SBF2: variants seen among roughly 807,000 people sequenced by gnomAD.
SBF2 encodes the protein myotubularin-related protein 13.
In SBF2, 112 loss-of-function variants were observed where a neutral mutation model predicts 225.2. The observed-to-expected ratio is 0.50, with a 90% CI of 0.43 to 0.58. The LOEUF (loss-of-function observed/expected upper bound fraction) is 0.58, where lower values mean the gene tolerates loss of function less well. Among genes scored for constraint, SBF2 ranks in the 20% least tolerant of loss-of-function variants. SBF2 has a pLI of 0.00. For missense variants in SBF2, 1,996 were observed against 2,206.2 expected, an observed-to-expected ratio of 0.90 and a Z score of 1.91; for synonymous variants, 763 against 773.3, an observed-to-expected ratio of 0.99 and a Z score of 0.22.
chr11:9,919,036 C>G (rs1406246054), intron 16 of SBF2, among the ~76,000 whole-genome samples: 1 of 152,110 alleles, frequency 6.6e-6, no homozygotes, highest in African/African-American at 2.4e-5. Flanking sequence ...GCCACTGCAT[C>G]TGGCTTTTTT....
chr11:10,006,902 C>T (rs1178503878), intron 6 of SBF2, among the ~76,000 whole-genome samples: 2 of 152,182 alleles, frequency 1.3e-5, no homozygotes, highest in African/African-American at 4.8e-5. Context: ...AAGGGATAAT[C>T]ATTTTGTTGC....
In SBF2 at chr11:10,089,596, A is replaced by G. The variant is rs1361613865; in HGVS notation, c.142-46615T>C. Among the ~76,000 whole-genome samples the G allele has an allele frequency of 2.0e-5, 3 of 152,200 alleles. No individual in the cohort carries two copies. In the South Asian group the frequency reaches 6.2e-4, roughly 32 times the overall value. On this transcript the variant is annotated intron_variant, in intron 2 of 39. Coordinates refer to ENST00000256190, the MANE Select transcript of SBF2 (RefSeq NM_030962.4). ...GTACTTTATTTAGTACCTCTTGTAA[A>G]CAAATATTGTATGTATACAGGGTAG...
intron 6 of SBF2, among the ~76,000 whole-genome samples, chr11:10,023,062 T>C (rs1948920820): frequency 6.6e-6 from 1 of 152,224 alleles, no homozygotes; most frequent in Non-Finnish European, 1.5e-5. Flanking sequence ...AATGATACTC[T>C]ATTTCCATCA....
At chr11:10,010,288 T>C (rs901036788) in intron 6 of SBF2, among the ~76,000 whole-genome samples, 1 of 152,256 alleles carries the variant, frequency 6.6e-6, no homozygotes, top group Non-Finnish European at 1.5e-5. Flanking sequence ...GCCATTGCTT[T>C]TGGTGTTTTA....
chr11:9,961,680 T>G (rs1866579145), intron 16 of SBF2: 1 of 342,496 alleles, frequency 2.9e-6, no homozygotes, highest in South Asian at 3.6e-5. Context: ...AACTGAATGC[T>G]TTAAAGATGA....
intron 30 of SBF2, among the ~76,000 whole-genome samples, chr11:9,811,655 G>A (rs1332307170): frequency 1.3e-5 from 2 of 151,916 alleles, no homozygotes; most frequent in Non-Finnish European, 2.9e-5. Context: ...TTTATGTGGC[G>A]GCATTTCTCT....
At chr11:10,046,959 A>G (rs1949889384) in intron 2 of SBF2, among the ~76,000 whole-genome samples, 1 of 151,984 alleles carries the variant, frequency 6.6e-6, no homozygotes, top group Non-Finnish European at 1.5e-5. Flanking sequence ...ATATACAAAA[A>G]TCAACCACTT....
intron 6 of SBF2, among the ~76,000 whole-genome samples, chr11:10,012,087 T>A (rs1005191906): frequency 2.6e-5 from 4 of 152,198 alleles, no homozygotes; most frequent in African/African-American, 4.8e-5. Context: ...CACCAAATTT[T>A]ATTGATTTTT....
intron 1 of SBF2, among the ~76,000 whole-genome samples, chr11:10,253,357 T>C (rs1960557074): frequency 6.6e-6 from 1 of 152,170 alleles, no homozygotes; most frequent in South Asian, 2.1e-4. Context: ...CCTGTCTTTT[T>C]CTTTTTGGGA....
intron 2 of SBF2, among the ~76,000 whole-genome samples, chr11:10,144,479 C>A (rs1372032301): frequency 1.3e-5 from 2 of 151,314 alleles, no homozygotes; most frequent in African/African-American, 2.4e-5. Context: ...CAGAGCAAGA[C>A]CCTATCTCAA....
At chr11:10,105,633 G>A (rs973737557) in intron 2 of SBF2, among the ~76,000 whole-genome samples, 3 of 152,186 alleles carry the variant, frequency 2.0e-5, no homozygotes, top group Non-Finnish European at 2.9e-5. Flanking sequence ...AATATCCAGT[G>A]TAAGGCCATT....
At chr11:10,224,946 G>T (rs1036977939) in intron 1 of SBF2, among the ~76,000 whole-genome samples, 4 of 152,114 alleles carry the variant, frequency 2.6e-5, no homozygotes, top group Non-Finnish European at 5.9e-5. Flanking sequence ...AAGTGATGGT[G>T]CTTATAAATT....
At chr11:9,906,195 G>T (rs1458615281) in intron 16 of SBF2, among the ~76,000 whole-genome samples, 1 of 152,166 alleles carries the variant, frequency 6.6e-6, no homozygotes, top group African/African-American at 2.4e-5. Context: ...ACTGTCATGA[G>T]GCCCAAGGCA....
chr11:10,091,443 G>A (rs918335768), intron 2 of SBF2, among the ~76,000 whole-genome samples: 1 of 152,088 alleles, frequency 6.6e-6, no homozygotes, highest in Non-Finnish European at 1.5e-5. Context: ...TTATACACCA[G>A]CTTGTCACCA....
chr11:9,942,773 G>T (rs575636707), intron 16 of SBF2, among the ~76,000 whole-genome samples: 1 of 152,096 alleles, frequency 6.6e-6, no homozygotes, highest in South Asian at 2.1e-4. Context: ...AGAGGCTACA[G>T]TGAGCCATGG....
intron 1 of SBF2, among the ~76,000 whole-genome samples, chr11:10,198,003 C>A (rs1425243237): frequency 2.6e-5 from 4 of 152,144 alleles, no homozygotes; most frequent in African/African-American, 9.6e-5. Context: ...GTCTTGAACC[C>A]CTCAAGGTCA....
chr11:10,270,767 G>A (rs1962406124), intron 1 of SBF2, among the ~76,000 whole-genome samples: 1 of 151,958 alleles, frequency 6.6e-6, no homozygotes, highest in Admixed American at 6.5e-5. Context: ...GCCGAGGTAG[G>A]CGGATCACAA....
chr11:9,966,378 C>A (rs1040947845), intron 14 of SBF2, among the ~76,000 whole-genome samples: 17 of 152,194 alleles, frequency 1.1e-4, no homozygotes, highest in African/African-American at 3.9e-4. Context: ...GCGTGAGCCA[C>A]CACGCCCAGC....
intron 22 of SBF2, among the ~76,000 whole-genome samples, chr11:9,847,376 TGC>T (rs1856621831): frequency 1.3e-5 from 2 of 152,132 alleles, no homozygotes; most frequent in Non-Finnish European, 2.9e-5. Context: ...ACAAGTGACT[TGC>T]CACTCCTGAG....
Sources: gnomAD v4.1 joint callset for allele counts (sites outside exome capture counted in the v4.1 genomes callset) on GRCh38, gnomAD v4.1.1 for gene constraint, MANE v1.5 for transcripts, NCBI Gene and HGNC (gene_info 2026-07-23, HGNC 2026-07-21) for gene names.